Variants in SYNPO observed in about 807,000 individuals in gnomAD.
SYNPO encodes synaptopodin.
SYNPO carries 19 observed loss-of-function variants against 49.5 expected under a neutral mutation model. That is an observed-to-expected ratio of 0.38 (90% CI 0.27 to 0.56). SYNPO has a LOEUF of 0.56. SYNPO is among the 20% of genes least tolerant of loss of function. The pLI is 0.68. For synonymous variants in SYNPO, 536 were observed against 548.0 expected, an observed-to-expected ratio of 0.98 and a Z score of 0.31; for missense variants, 1,131 against 1,248.3, an observed-to-expected ratio of 0.91 and a Z score of 1.42.
chr5:150,635,246 C>T (rs147567312), intron 2 of SYNPO, among the ~76,000 whole-genome samples: 9 of 152,352 alleles, frequency 5.9e-5, no homozygotes, highest in African/African-American at 9.6e-5. Context: ...GGTGTGCATG[C>T]GTGCCTGGGC....
chr5:150,598,216 C>T (rs78106886), upstream of SYNPO, among the ~76,000 whole-genome samples: 7 of 152,196 alleles, frequency 4.6e-5, no homozygotes, highest in Non-Finnish European at 8.8e-5. Flanking sequence ...TGGCATCCAG[C>T]GCAGCAAATG....
At chr5:150,611,303 A>G (rs1756839162) in intron 1 of SYNPO, among the ~76,000 whole-genome samples, 2 of 152,234 alleles carry the variant, frequency 1.3e-5, no homozygotes, top group Admixed American at 1.3e-4. Flanking sequence ...GATGGCACTT[A>G]GCAGGCGTTC....
chr5:150,626,162 C>A (rs1757349593), intron 2 of SYNPO, among the ~76,000 whole-genome samples: 1 of 152,170 alleles, frequency 6.6e-6, no homozygotes, highest in Non-Finnish European at 1.5e-5. Context: ...CAAGCCCAGG[C>A]CTGGCCCATT....
At chr5:150,645,724 C>T (rs559839451) in intron 1 of SYNPO, among the ~76,000 whole-genome samples, 1 of 152,270 alleles carries the variant, frequency 6.6e-6, no homozygotes, top group South Asian at 2.1e-4. Flanking sequence ...GCTTTGTCAC[C>T]CTTGGCTTTG....
chr5:150,609,488 T>C (rs1177739637), intron 1 of SYNPO, among the ~76,000 whole-genome samples: 2 of 152,102 alleles, frequency 1.3e-5, no homozygotes, highest in Non-Finnish European at 2.9e-5. Flanking sequence ...AGAAATGGGG[T>C]TTCACCATGT....
chr5:150,607,746 T>C (rs2151343615), intron 1 of SYNPO, among the ~76,000 whole-genome samples: 1 of 150,050 alleles, frequency 6.7e-6, no homozygotes, highest in East Asian at 2.0e-4. Context: ...ACAGATGTAA[T>C]ATTACATTAT....
chr5:150,588,418 CA>C, the SYNPO span, among the ~76,000 whole-genome samples: 4 of 152,162 alleles, frequency 2.6e-5, no homozygotes, highest in African/African-American at 9.7e-5. Flanking sequence ...GTGTGTCTGC[CA>C]GGGGGAACTT....
chr5:150,610,131 A>T (rs1303468957), intron 1 of SYNPO, among the ~76,000 whole-genome samples: 1 of 152,210 alleles, frequency 6.6e-6, no homozygotes, highest in Non-Finnish European at 1.5e-5. Flanking sequence ...CAGTGAGTCC[A>T]CTTGGAACAG....
chr5:150,601,054 C>T (rs1326640272), upstream of SYNPO: 1 of 152,194 alleles, frequency 6.6e-6, no homozygotes, highest in Non-Finnish European at 1.5e-5. Flanking sequence ...CTGCCCTCCT[C>T]CCATCCCGCT....
At chr5:150,593,127 T>C in the SYNPO span, among the ~76,000 whole-genome samples, 1 of 152,374 alleles carries the variant, frequency 6.6e-6, no homozygotes, top group African/African-American at 2.4e-5. Context: ...ATTCTACCTG[T>C]TATGGCCTGG....
intron 1 of SYNPO, among the ~76,000 whole-genome samples, chr5:150,603,390 C>T (rs769962219): frequency 3.3e-4 from 51 of 152,390 alleles, no homozygotes; most frequent in Admixed American, 8.5e-4. Context: ...CTTGGCAAAG[C>T]TCCCCAGTCA....
upstream of SYNPO, among the ~76,000 whole-genome samples, chr5:150,596,851 G>T (rs1359877578): frequency 6.6e-6 from 1 of 152,208 alleles, no homozygotes; most frequent in African/African-American, 2.4e-5. Flanking sequence ...GAAGGTAAGG[G>T]AAGATAGTGT....
At chr5:150,604,640 G>T (rs538672163) in intron 1 of SYNPO, among the ~76,000 whole-genome samples, 5 of 152,344 alleles carry the variant, frequency 3.3e-5, no homozygotes, top group African/African-American at 1.2e-4. Context: ...CCCGTGCTCT[G>T]CTCCTGTAGT....
At chr5:150,643,594 G>T (rs1757984967) in intron 1 of SYNPO, among the ~76,000 whole-genome samples, 1 of 152,166 alleles carries the variant, frequency 6.6e-6, no homozygotes, top group South Asian at 2.1e-4. Context: ...CAGTGCAGTG[G>T]CGTGATCTCG....
chr5:150,644,147 C>T (rs757078272), intron 1 of SYNPO, among the ~76,000 whole-genome samples: 1 of 145,590 alleles, frequency 6.9e-6, no homozygotes. Context: ...TGCCCTCCAG[C>T]GACAGAGCAA....
At chr5:150,588,775 C>A in the SYNPO span, among the ~76,000 whole-genome samples, 4 of 151,612 alleles carry the variant, frequency 2.6e-5, no homozygotes, top group Admixed American at 1.3e-4. Flanking sequence ...GAATATGGAA[C>A]CTTTTTTTTT....
At chr5:150,637,544 C>T (rs1196319641), upstream of SYNPO, among the ~76,000 whole-genome samples, 1 of 152,230 alleles carries the variant, frequency 6.6e-6, no homozygotes, top group Non-Finnish European at 1.5e-5. Context: ...TTCCCAGCGC[C>T]TTCTTTGGCA....
intron 1 of SYNPO, among the ~76,000 whole-genome samples, chr5:150,611,793 AC>A (rs1756855766): frequency 6.6e-6 from 1 of 152,190 alleles, no homozygotes; most frequent in East Asian, 1.9e-4. Context: ...GGGACTGACT[AC>A]CCCAACTGGA....
intron 2 of SYNPO, among the ~76,000 whole-genome samples, chr5:150,619,523 C>A (rs777000528): frequency 7.9e-5 from 12 of 152,200 alleles, no homozygotes; most frequent in Admixed American, 2.0e-4. Context: ...CCTGCAGCGG[C>A]TGCTGTCTGC....
Sources: allele counts gnomAD v4.1 joint callset (sites outside exome capture counted in the v4.1 genomes callset), GRCh38; gene constraint gnomAD v4.1.1; transcripts MANE v1.5; gene names NCBI Gene and HGNC (gene_info 2026-07-23, HGNC 2026-07-21).